VCL: variants seen among roughly 807,000 people sequenced by gnomAD.
VCL encodes vinculin, also known as epididymis luminal protein 114.
Under a neutral mutation model 125.7 loss-of-function variants are expected in VCL, and 47 were observed. That is an observed-to-expected ratio of 0.37 (90% CI 0.30 to 0.48). VCL has a LOEUF of 0.48. Ranked by LOEUF, VCL falls within the 20% of genes least tolerant of loss-of-function variation. The probability of loss-of-function intolerance (pLI) is 0.99; values close to 1 mark genes in which losing one functional copy is unlikely to be tolerated. For synonymous variants in VCL, 458 were observed against 514.6 expected, an observed-to-expected ratio of 0.89 and a Z score of 1.49; for missense variants, 1,069 against 1,455.5, an observed-to-expected ratio of 0.73 and a Z score of 4.32.
chr10:74,049,895 A>C (rs927089110), intron 2 of VCL, among the ~76,000 whole-genome samples: 2 of 151,306 alleles, frequency 1.3e-5, no homozygotes, highest in African/African-American at 4.9e-5. Context: ...GATTTGCTTC[A>C]GATTGATTCC....
At chr10:74,034,065 C>A (rs1840930326) in intron 1 of VCL, among the ~76,000 whole-genome samples, 1 of 152,170 alleles carries the variant, frequency 6.6e-6, no homozygotes, top group African/African-American at 2.4e-5. Flanking sequence ...TGGTACATTG[C>A]ATGTTATGTA....
At chr10:74,087,263 T>C (rs1303970859) in intron 8 of VCL, among the ~76,000 whole-genome samples, 1 of 151,710 alleles carries the variant, frequency 6.6e-6, no homozygotes, top group Non-Finnish European at 1.5e-5. Flanking sequence ...AATGATTCAT[T>C]ACCTCAAGTT....
intron 13 of VCL, 40 bp from the exon 14 acceptor site, chr10:74,100,908 T>C (rs1840042384): frequency 6.2e-7 from 1 of 1,612,628 alleles, no homozygotes; most frequent in East Asian, 2.2e-5. Flanking sequence ...TGACCCATTT[T>C]ATTGAAATAA....
chr10:74,034,260 G>A (rs546913914), intron 1 of VCL, among the ~76,000 whole-genome samples: 42 of 152,100 alleles, frequency 2.8e-4, no homozygotes, highest in South Asian at 1.2e-3. Flanking sequence ...TTGCATACAA[G>A]GCCCTCCATG....
intron 2 of VCL, among the ~76,000 whole-genome samples, chr10:74,069,808 A>G (rs1841634566): frequency 1.3e-5 from 2 of 152,196 alleles, no homozygotes; most frequent in Non-Finnish European, 2.9e-5. Flanking sequence ...AGTACAAGGA[A>G]GGCAAACTGA....
At chr10:74,074,561 T>C (rs1420061220) in intron 5 of VCL, among the ~76,000 whole-genome samples, 182 bp from the exon 6 acceptor site, 2 of 152,202 alleles carry the variant, frequency 1.3e-5, no homozygotes, top group African/African-American at 4.8e-5. Context: ...TTTCTTTTTT[T>C]ATTTTTACAA....
intron 1 of VCL, among the ~76,000 whole-genome samples, chr10:74,028,541 C>T (rs1840815279): frequency 6.6e-6 from 1 of 151,846 alleles, no homozygotes; most frequent in Non-Finnish European, 1.5e-5. Flanking sequence ...GGATTACAAG[C>T]ATCCACCACC....
chr10:74,034,274 T>C (rs986321979), intron 1 of VCL, among the ~76,000 whole-genome samples: 1 of 152,210 alleles, frequency 6.6e-6, no homozygotes, highest in African/African-American at 2.4e-5. Flanking sequence ...CTCCATGATG[T>C]GGCCCCTTTC....
intron 2 of VCL, among the ~76,000 whole-genome samples, chr10:74,060,655 C>CAAAAAAAAAAA (rs11398822): frequency 9.2e-6 from 1 of 109,252 alleles, no homozygotes; most frequent in Non-Finnish European, 1.8e-5. Flanking sequence ...GACTCTGTCT[C>CAAAAAAAAAAA]AAAAAAAAAA....
intron 2 of VCL, among the ~76,000 whole-genome samples, chr10:74,063,339 C>G (rs192214659): frequency 2.4e-4 from 36 of 152,292 alleles, no homozygotes; most frequent in Admixed American, 2.2e-3. Context: ...TGGTTTAAAA[C>G]AACACAAATT....
chr10:73,998,194 C>G lies in VCL; in HGVS notation c.-14C>G. ...CTCTGTCGCCCGCGGTTCGCCGCCC[C>G]GCTCGCCGCCGCGATGCCAGTGTTT... is the stretch of plus-strand genomic sequence containing the variant. On this transcript the variant is annotated 5_prime_UTR_variant, in exon 1 of 22. Coordinates refer to ENST00000211998, the MANE Select transcript of VCL (RefSeq NM_014000.3). The G allele has an allele frequency of 6.2e-7, 1 of 1,610,572 alleles. No homozygotes were observed. The highest frequency in any genetic ancestry group is 8.5e-7 in the Non-Finnish European group (1 of 1,178,556).
intron 1 of VCL, among the ~76,000 whole-genome samples, chr10:74,004,975 G>A (rs942090296): frequency 2.0e-4 from 30 of 152,048 alleles, no homozygotes; most frequent in Non-Finnish European, 2.1e-4. Context: ...AAAGTGCTGC[G>A]GTCACAGACA....
chr10:74,004,324 T>G (rs993537096), intron 1 of VCL, among the ~76,000 whole-genome samples: 1 of 152,190 alleles, frequency 6.6e-6, no homozygotes, highest in Admixed American at 6.5e-5. Context: ...AGTCTATGGG[T>G]AGGTATAGTG....
chr10:74,006,833 A>G (rs1358433066), intron 1 of VCL, among the ~76,000 whole-genome samples: 1 of 152,214 alleles, frequency 6.6e-6, no homozygotes, highest in East Asian at 1.9e-4. Flanking sequence ...CCCAAATCCA[A>G]AAAAATCTGA....
At chr10:74,016,808 C>G (rs1295787740) in intron 1 of VCL, 1 of 152,148 alleles carries the variant, frequency 6.6e-6, no homozygotes, top group Admixed American at 6.5e-5. Context: ...CCCAACTAAA[C>G]TCCCTATTTC....
chr10:74,107,665 A>G (rs1268475533), intron 17 of VCL, among the ~76,000 whole-genome samples: 1 of 152,104 alleles, frequency 6.6e-6, no homozygotes, highest in African/African-American at 2.4e-5. Context: ...GAGGTAGTGC[A>G]TTGTGGTAAA....
At chr10:74,098,344 C>T (rs2131919755) in intron 13 of VCL, among the ~76,000 whole-genome samples, 1 of 152,332 alleles carries the variant, frequency 6.6e-6, no homozygotes, top group South Asian at 2.1e-4. Context: ...CCATATCCTA[C>T]TTTTTCACTT....
At chr10:74,045,306 G>T (rs972228959) in intron 2 of VCL, among the ~76,000 whole-genome samples, 9 of 151,180 alleles carry the variant, frequency 6.0e-5, no homozygotes, top group African/African-American at 1.7e-4. Context: ...TAGATAGATA[G>T]ATATGTAGGT....
chr10:74,114,472 G>C, intron 20 of VCL, 85 bp downstream of exon 20: 4 of 1,481,230 alleles, frequency 2.7e-6, no homozygotes, highest in East Asian at 2.4e-5. Flanking sequence ...GGGTATGAGA[G>C]GGAGAAAAGC....
Sources: allele counts gnomAD v4.1 joint callset (sites outside exome capture counted in the v4.1 genomes callset), GRCh38; gene constraint gnomAD v4.1.1; transcripts MANE v1.5; gene names NCBI Gene and HGNC (gene_info 2026-07-23, HGNC 2026-07-21).